PSG8: variants seen among roughly 807,000 people sequenced by gnomAD.
PSG8 encodes the protein pregnancy specific beta-1-glycoprotein 8.
PSG8 carries 57 observed loss-of-function variants against 42.5 expected under a neutral mutation model. The observed-to-expected ratio is 1.34, with a 90% confidence interval of 1.08 to 1.67. PSG8 has a LOEUF of 1.67. PSG8 is among the 40% of genes most tolerant of loss of function. The probability of loss-of-function intolerance (pLI) is 0.00; values close to 1 mark genes in which losing one functional copy is unlikely to be tolerated. For synonymous variants in PSG8, 280 were observed against 196.8 expected, an observed-to-expected ratio of 1.42 and a Z score of -3.54; for missense variants, 783 against 518.6, an observed-to-expected ratio of 1.51 and a Z score of -4.95.
At chr19:42,753,695 G>T (rs1397664998), downstream of PSG8, among the ~76,000 whole-genome samples, 1 of 152,114 alleles carries the variant, frequency 6.6e-6, no homozygotes, top group Admixed American at 6.5e-5. Flanking sequence ...CCAAACCAAG[G>T]CTGACTTCAG....
At position 42,764,209 on chromosome 19, in the gene PSG8, G is replaced by A. The variant is rs1970155426; in HGVS notation, c.137C>T (p.Ser46Phe). Residue 46 changes from serine (S) to phenylalanine (F), a missense_variant, in exon 2 of 5, where the codon TCT becomes TTT. Transcript: ENST00000306511. ...VTIEAQPTKV[S>F]EGKDVLLLVH... ...AAGTAGAAGAACATCCTTCCCCTCAGAAACTTTGGTTGGCTGGGCTTCAAT... is the reference window on the plus strand; with the variant it reads ...AAGTAGAAGAACATCCTTCCCCTCAAAAACTTTGGTTGGCTGGGCTTCAAT... 1.2e-6 allele frequency: 2 copies of A among 1,613,722 alleles called. No homozygotes were observed. Among genetic ancestry groups the A allele is most frequent in the African/African-American group, 1.3e-5 (1 of 74,886 alleles).
intron 4 of PSG8, 154 bp from the exon 5 acceptor site, chr19:42,754,741 T>G (rs1969873176): frequency 1.5e-6 from 2 of 1,305,012 alleles, no homozygotes; most frequent in South Asian, 3.1e-5. Context: ...TCCTCAGGTA[T>G]TCACCTGTTT....
intron 4 of PSG8, 69 bp from the exon 5 acceptor site, chr19:42,754,656 G>A: frequency 6.5e-7 from 1 of 1,531,678 alleles, no homozygotes; most frequent in Admixed American, 1.8e-5. Flanking sequence ...GTCTCTTAAA[G>A]GGACACAGTG....
intron 4 of PSG8, 97 bp downstream of exon 4, chr19:42,754,891 G>A (rs1314983878): frequency 4.8e-5 from 76 of 1,568,030 alleles, no homozygotes; most frequent in Middle Eastern, 2.3e-4. Context: ...AAGTGAAGGT[G>A]TCTATACTTG....
chr19:42,764,674 C>A (rs1970170975), intron 1 of PSG8, among the ~76,000 whole-genome samples: 1 of 152,078 alleles, frequency 6.6e-6, no homozygotes, highest in Non-Finnish European at 1.5e-5. Context: ...CCTTTCTGAC[C>A]TTTCCCTGCT....
In PSG8 at chr19:42,764,080, A is replaced by T; in HGVS notation, c.266T>A (p.Ile89Asn). The change falls in exon 2 of 5, where the codon ATT becomes AAT. Residue 89 changes from isoleucine (I) to asparagine (N), a missense_variant. Transcript: ENST00000306511. ...ITSYVVDGQI[I>N]IYGPAYSGRE... ...TCCACTGTATGCAGGCCCATATATA[A>T]TTATTTGACCGTCTACTACATATGA... 6.2e-7 allele frequency: 1 copy of T among 1,613,736 alleles called. No individual in the cohort carries two copies. The highest frequency in any genetic ancestry group is 8.5e-7 in the Non-Finnish European group (1 of 1,179,864).
intron 2 of PSG8, among the ~76,000 whole-genome samples, chr19:42,760,595 T>C (rs536868974): frequency 3.3e-5 from 5 of 152,120 alleles, no homozygotes; most frequent in Non-Finnish European, 7.4e-5. Context: ...AGCATTTTTT[T>C]TTTCTGAGAC....
chr19:42,758,395 C>G, intron 2 of PSG8, 115 bp from the exon 3 acceptor site: 2 of 1,528,686 alleles, frequency 1.3e-6, no homozygotes, highest in Admixed American at 4.1e-5. Context: ...TCCTTAAAAG[C>G]CCATGGCAGG....
At position 42,764,093 on chromosome 19, in the gene PSG8, C is replaced by G. The variant is rs141265232; in HGVS notation, c.253G>C (p.Asp85His). 28 of 1,613,822 alleles carry G rather than the reference C, an allele frequency of 1.7e-5. No individual in the cohort carries two copies. In the African/African-American group the frequency reaches 2.8e-4, roughly 16 times the overall value. ...GGCCCATATATAATTATTTGACCGT[C>G]TACTACATATGATGTAATGTAATGG... Reference protein sequence around the residue: ...LYHYITSYVVDGQIIIYGPAY... With the variant: ...LYHYITSYVVHGQIIIYGPAY... Residue 85 changes from aspartate (D) to histidine (H), a missense_variant, in exon 2 of 5, where the codon GAC becomes CAC. By Grantham distance (81) the Asp-to-His change is moderately conservative. Transcript: ENST00000306511.
At chr19:42,760,738 A>T (rs1490501070) in intron 2 of PSG8, among the ~76,000 whole-genome samples, 1 of 152,004 alleles carries the variant, frequency 6.6e-6, no homozygotes, top group African/African-American at 2.4e-5. Flanking sequence ...GCCCGCCACC[A>T]TGGCTGGCTA....
chr19:42,764,779 G>A lies in PSG8; in HGVS notation c.65-498C>T, dbSNP rs980506566. On this transcript the variant is annotated intron_variant, in intron 1 of 4. Coordinates refer to ENST00000306511, the MANE Select transcript of PSG8 (RefSeq NM_182707.3). ...CTCCATGACAGCGTGAGCTCCATGA[G>A]GACAGGGATTTTTGTGATCTTGGTT... Among the ~76,000 whole-genome samples the A allele has an allele frequency of 9.9e-4, 151 of 152,228 alleles. 2 individuals carry two copies. The highest frequency in any genetic ancestry group is 3.5e-3 in the African/African-American group (147 of 41,542).
At chr19:42,761,329 G>A (rs558408293) in intron 2 of PSG8, among the ~76,000 whole-genome samples, 17 of 152,270 alleles carry the variant, frequency 1.1e-4, no homozygotes, top group African/African-American at 4.1e-4. Flanking sequence ...TAAAACTAGT[G>A]AAAGACCATG....
At chr19:42,753,114 T>A (rs1248991362), downstream of PSG8, 1 of 637,724 alleles carries the variant, frequency 1.6e-6, no homozygotes, top group Non-Finnish European at 2.8e-6. Context: ...TGTTCTGACA[T>A]CTTGGGAAAA....
intron 2 of PSG8, among the ~76,000 whole-genome samples, chr19:42,762,202 T>A (rs1207771491): frequency 6.6e-6 from 1 of 151,308 alleles, no homozygotes. Context: ...CCAGTCAGAA[T>A]GAAGTGGGAG....
At chr19:42,756,610 G>T (rs1441267236) in intron 3 of PSG8, among the ~76,000 whole-genome samples, 5 of 152,046 alleles carry the variant, frequency 3.3e-5, no homozygotes, top group African/African-American at 1.2e-4. Context: ...ATAAGCCAAA[G>T]ATATTCTTGC....
At chr19:42,759,265 A>C (rs1183969780) in intron 2 of PSG8, among the ~76,000 whole-genome samples, 4 of 152,040 alleles carry the variant, frequency 2.6e-5, no homozygotes, top group Non-Finnish European at 5.9e-5. Context: ...TATGTACCTG[A>C]TATCAGTGGA....
chr19:42,754,421 A>T lies in PSG8; in HGVS notation c.1155T>A (p.Thr385=), dbSNP rs758143768. 5.0e-6 allele frequency: 8 copies of T among 1,613,840 alleles called. No homozygotes were observed. In the South Asian group the frequency reaches 8.8e-5, roughly 18 times the overall value. The change falls in exon 5 of 5, where the codon ACT becomes ACA. Residue 385 remains threonine (T), a synonymous_variant. Transcript: ENST00000306511. ...AAGCATAGAGCCCGCTATGCTTTGT[A>T]GTAATTTGGGGGATAAAGAGCTTTT... is the stretch of plus-strand genomic sequence containing the variant. ...SGQKLFIPQI[T]TKHSGLYACS...
At chr19:42,760,849 T>C (rs1049606907) in intron 2 of PSG8, among the ~76,000 whole-genome samples, 1 of 152,170 alleles carries the variant, frequency 6.6e-6, no homozygotes, top group Non-Finnish European at 1.5e-5. Context: ...AGTGCTGGTA[T>C]TGTAGGTGTG....
chr19:42,754,352 G>A lies in PSG8; in HGVS notation c.1224C>T (p.Ser408=). 6.2e-7 allele frequency: 1 copy of A among 1,613,816 alleles called. No homozygotes were observed. Among genetic ancestry groups the A allele is most frequent in the Middle Eastern group, 1.7e-4 (1 of 6,042 alleles). The change falls in exon 5 of 5, where the codon TCC becomes TCT. Residue 408 remains serine, a synonymous_variant. Transcript: ENST00000306511. ...NSATGKESSK[S]MTVKVSGKRI... is the part of the protein sequence containing the mutation. Reference sequence around the variant, plus strand: ...GCTTACCAGAGACTTTTACTGTCATGGATTTGGAGCTTTCCTTGCCAGTGG... The same window carrying A: ...GCTTACCAGAGACTTTTACTGTCATAGATTTGGAGCTTTCCTTGCCAGTGG...
Sources: allele counts gnomAD v4.1 joint callset (sites outside exome capture counted in the v4.1 genomes callset), GRCh38; gene constraint gnomAD v4.1.1; transcripts MANE v1.5; gene names NCBI Gene and HGNC (gene_info 2026-07-23, HGNC 2026-07-21).